GRM1: variants seen among roughly 807,000 people sequenced by gnomAD.
GRM1 encodes the protein metabotropic glutamate receptor 1.
Under a neutral mutation model 90.9 loss-of-function variants are expected in GRM1, and 33 were observed. The ratio of observed to expected loss-of-function variants is 0.36; its 90% CI spans 0.28 to 0.49. The LOEUF (loss-of-function observed/expected upper bound fraction) is 0.49. Ranked by LOEUF, GRM1 falls within the 20% of genes least tolerant of loss-of-function variation. GRM1 has a pLI of 0.99. For missense variants in GRM1, 1,190 were observed against 1,534.3 expected, an observed-to-expected ratio of 0.78 and a Z score of 3.75; for synonymous variants, 700 against 613.2, an observed-to-expected ratio of 1.14 and a Z score of -2.09.
chr6:146,388,074 A>G (rs143119442), intron 6 of GRM1, among the ~76,000 whole-genome samples: 2 of 152,202 alleles, frequency 1.3e-5, no homozygotes, highest in Non-Finnish European at 2.9e-5. Flanking sequence ...ATATAAATGA[A>G]TTTTGTTTTT....
intron 2 of GRM1, among the ~76,000 whole-genome samples, chr6:146,265,719 A>G (rs1266162693): frequency 6.6e-6 from 1 of 152,166 alleles, no homozygotes; most frequent in African/African-American, 2.4e-5. Flanking sequence ...TGTGAGAGAT[A>G]AGGACCCAAA....
rs771323107 is a variant in GRM1, at chr6:146,029,790, G to A, written c.273G>A (p.Ala91=). ...TCCACACGTTGGATAAGATCAACGC[G>A]GACCCGGTCCTCCTGCCCAACATCA... ...AMFHTLDKIN[A]DPVLLPNITL... The change falls in exon 1 of 8, where the codon GCG becomes GCA. Residue 91 remains alanine (A), a synonymous_variant. Transcript: ENST00000282753. 3 of 1,614,050 alleles carry A rather than the reference G, an allele frequency of 1.9e-6. No individual in the cohort carries two copies. Among genetic ancestry groups the A allele is most frequent in the East Asian group, 2.2e-5 (1 of 44,866 alleles).
At chr6:146,055,403 G>A (rs1042934832) in intron 1 of GRM1, among the ~76,000 whole-genome samples, 17 of 151,870 alleles carry the variant, frequency 1.1e-4, no homozygotes, top group African/African-American at 3.6e-4. Context: ...TTAGGAAAGC[G>A]TGCTCTTATT....
At chr6:146,094,777 T>C (rs913880199) in intron 1 of GRM1, among the ~76,000 whole-genome samples, 6 of 152,094 alleles carry the variant, frequency 3.9e-5, no homozygotes, top group Non-Finnish European at 8.8e-5. Flanking sequence ...CTACTATAGA[T>C]TCATGACTAA....
intron 1 of GRM1, among the ~76,000 whole-genome samples, chr6:146,083,858 G>C (rs1441318723): frequency 6.6e-6 from 1 of 152,144 alleles, no homozygotes; most frequent in Non-Finnish European, 1.5e-5. Flanking sequence ...GAATCTGTCT[G>C]GTCCCAGGCT....
intron 4 of GRM1, among the ~76,000 whole-genome samples, chr6:146,354,965 T>A (rs895518927): frequency 6.9e-6 from 1 of 144,664 alleles, no homozygotes; most frequent in African/African-American, 2.5e-5. Context: ...CAAAATATTG[T>A]GAATTTTTTT....
chr6:146,060,136 C>A (rs775875027), intron 1 of GRM1, among the ~76,000 whole-genome samples: 1 of 152,112 alleles, frequency 6.6e-6, no homozygotes, highest in Admixed American at 6.6e-5. Flanking sequence ...TGGCTTTCAT[C>A]ATGGCTTCTT....
chr6:146,309,418 A>ATT (rs1329181685), intron 3 of GRM1, among the ~76,000 whole-genome samples: 1 of 151,858 alleles, frequency 6.6e-6, no homozygotes, highest in Non-Finnish European at 1.5e-5. Context: ...AAAACAGAAC[A>ATT]TTTTTAAGCT....
At chr6:146,063,375 A>C (rs1775737771) in intron 1 of GRM1, among the ~76,000 whole-genome samples, 1 of 152,222 alleles carries the variant, frequency 6.6e-6, no homozygotes, top group Admixed American at 6.5e-5. Context: ...GATTAGATTC[A>C]GCATTGAAGA....
chr6:146,241,335 T>A (rs1780852071), intron 2 of GRM1, among the ~76,000 whole-genome samples: 1 of 152,144 alleles, frequency 6.6e-6, no homozygotes, highest in Non-Finnish European at 1.5e-5. Context: ...ACCTGGAGAC[T>A]GAGAGATGAA....
chr6:146,237,512 T>A (rs1265427634), intron 2 of GRM1, among the ~76,000 whole-genome samples: 3 of 152,134 alleles, frequency 2.0e-5, no homozygotes, highest in Non-Finnish European at 4.4e-5. Flanking sequence ...GTAAAATATT[T>A]TTATGAATAA....
At position 146,324,183 on chromosome 6, in the gene GRM1, G is replaced by A. The variant is rs1302773564; in HGVS notation, c.1186+19337G>A. Among the ~76,000 whole-genome samples, 9 of 152,270 alleles carry A rather than the reference G, an allele frequency of 5.9e-5. No individual in the cohort carries two copies. The East Asian group carries it at 1.7e-3, about 30-fold the overall frequency. On this transcript the variant is annotated intron_variant, in intron 3 of 7. Transcript: ENST00000282753. ...CCAGTTGGAAATTCCCAGCAGCTTTGTTTACACTGGGAGGGGAAAACCACC... is the reference window on the plus strand; with the variant it reads ...CCAGTTGGAAATTCCCAGCAGCTTTATTTACACTGGGAGGGGAAAACCACC...
rs1378924113 is a variant in GRM1, at chr6:146,399,190, A to G, written c.2151A>G (p.Gln717=). 2 of 1,614,060 alleles carry G rather than the reference A, an allele frequency of 1.2e-6. No homozygotes were observed. The highest frequency in any genetic ancestry group is 1.1e-5 in the South Asian group (1 of 91,070). The part of the protein sequence containing the change: ...VIIASILISV[Q]LTLVVTLIIM... ...TTGCCTCAATTCTGATTAGTGTGCA[A>G]CTAACCCTGGTGGTAACCCTGATCA... The change falls in exon 7 of 8, where the codon CAA becomes CAG. Residue 717 remains glutamine, a synonymous_variant. Coordinates refer to ENST00000282753, the MANE Select transcript of GRM1 (RefSeq NM_001278064.2). This position sits in a 1 kb window ranked among gnomAD's most constrained non-coding sequence, Gnocchi z 5.4.
intron 5 of GRM1, among the ~76,000 whole-genome samples, chr6:146,365,786 T>C (rs1775663275): frequency 6.6e-6 from 1 of 152,060 alleles, no homozygotes; most frequent in African/African-American, 2.4e-5. Flanking sequence ...ATATGCAAAA[T>C]GGTAACCCCG....
In GRM1 at chr6:146,436,569, A is replaced by G. The variant is rs1442638423; in HGVS notation, c.*1773A>G. On this transcript the variant is annotated 3_prime_UTR_variant, in exon 8 of 8. Coordinates refer to ENST00000282753, the MANE Select transcript of GRM1 (RefSeq NM_001278064.2). ...TTGCCTTCTTTTAATTTTTATGTTC[A>G]TGGACTTTTATTCCTGTGTCTTGGC... 2.0e-5 allele frequency: 3 copies of G among 152,108 alleles called. No homozygotes were observed. The highest frequency in any genetic ancestry group is 4.4e-5 in the Non-Finnish European group (3 of 67,998). 9.4% of individuals were successfully genotyped at this position (152,108 alleles called of 1,614,324 possible).
chr6:146,184,091 G>A (rs928342430), intron 2 of GRM1, among the ~76,000 whole-genome samples: 1 of 151,958 alleles, frequency 6.6e-6, no homozygotes, highest in Non-Finnish European at 1.5e-5. Context: ...GGGTCACCTC[G>A]GACATATAAT....
intron 2 of GRM1, among the ~76,000 whole-genome samples, chr6:146,189,602 A>G (rs1223620144): frequency 6.6e-6 from 1 of 152,196 alleles, no homozygotes; most frequent in South Asian, 2.1e-4. Flanking sequence ...AGTCATTTAC[A>G]TTCTCCTCAT....
intron 2 of GRM1, among the ~76,000 whole-genome samples, chr6:146,189,985 T>A (rs1022366895): frequency 3.9e-5 from 6 of 152,158 alleles, no homozygotes; most frequent in Admixed American, 6.5e-5. Context: ...AACTCAAAGA[T>A]GGGAGGGCAG....
chr6:146,214,631 G>A (rs1779806793), intron 2 of GRM1, among the ~76,000 whole-genome samples: 1 of 152,246 alleles, frequency 6.6e-6, no homozygotes, highest in East Asian at 1.9e-4. Flanking sequence ...GGGGGTGGAG[G>A]CAGACTAGGG....
Sources: gnomAD v4.1 joint callset for allele counts (sites outside exome capture counted in the v4.1 genomes callset) on GRCh38, gnomAD v4.1.1 for gene constraint, Gnocchi (gnomAD v3.1) non-coding constraint, MANE v1.5 for transcripts, NCBI Gene and HGNC (gene_info 2026-07-23, HGNC 2026-07-21) for gene names.